Variants in C4orf36 observed in about 807,000 individuals in gnomAD.
The protein encoded by C4orf36 is chromosome 4 open reading frame 36, also known as uncharacterized protein C4orf36.
In C4orf36, 11 loss-of-function variants were observed where a neutral mutation model predicts 12.2. The ratio of observed to expected loss-of-function variants is 0.90; its 90% CI spans 0.57 to 1.49. The LOEUF is 1.49. Among genes scored for constraint, C4orf36 ranks in the 40% most tolerant of loss-of-function variants. C4orf36 has a pLI of 0.00. For missense variants in C4orf36, 137 were observed against 133.9 expected (o/e 1.02, Z -0.11); for synonymous variants, 54 against 51.3 (o/e 1.05, Z -0.22).
At chr4:86,906,744 AAAAAAAAAG>A in the C4orf36 span, among the ~76,000 whole-genome samples, 2 of 148,404 alleles carry the variant, frequency 1.3e-5, no homozygotes, top group African/African-American at 5.0e-5. Flanking sequence ...AAAAAAAAAA[AAAAAAAAAG>A]AATTGGCTGG....
chr4:86,927,388 C>G, the C4orf36 span, among the ~76,000 whole-genome samples: 66 of 152,052 alleles, frequency 4.3e-4, no homozygotes, highest in Admixed American at 2.4e-3. Flanking sequence ...CTAGAGCATT[C>G]TAGCTAAAGG....
intron 4 of C4orf36, among the ~76,000 whole-genome samples, chr4:86,880,050 C>T (rs1747014447): frequency 1.3e-5 from 2 of 152,090 alleles, no homozygotes; most frequent in Admixed American, 1.3e-4. Flanking sequence ...GATGAGGTCT[C>T]ACCGTATTGC....
intron 4 of C4orf36, 51 bp from the exon 5 acceptor site, chr4:86,876,494 G>A: frequency 6.2e-7 from 1 of 1,613,624 alleles, no homozygotes; most frequent in Non-Finnish European, 8.5e-7. Flanking sequence ...ATCCAAATGA[G>A]GTAGAAAAAA....
At chr4:86,913,783 G>A in the C4orf36 span, 5 of 1,292,476 alleles carry the variant, frequency 3.9e-6, no homozygotes, top group Non-Finnish European at 5.6e-6. Flanking sequence ...TGCCCAAAGG[G>A]CATCTTGCTG....
the C4orf36 span, among the ~76,000 whole-genome samples, chr4:86,933,977 A>G: frequency 1.9e-4 from 29 of 152,264 alleles, no homozygotes; most frequent in Admixed American, 1.9e-3. Flanking sequence ...GCAAATATCC[A>G]TCAATTAGGT....
At chr4:86,917,198 T>A in the C4orf36 span, among the ~76,000 whole-genome samples, 1 of 152,092 alleles carries the variant, frequency 6.6e-6, no homozygotes, top group South Asian at 2.1e-4. Context: ...ATGAATCCCT[T>A]GAGCCCAGGA....
chr4:86,925,459 T>C, the C4orf36 span: 1 of 152,128 alleles, frequency 6.6e-6, no homozygotes, highest in East Asian at 1.9e-4. Flanking sequence ...TCAAGTGATC[T>C]GCCCGCCTTA....
intron 2 of C4orf36, 71 bp from the exon 3 acceptor site, chr4:86,888,346 A>G: frequency 1.4e-6 from 2 of 1,442,322 alleles, no homozygotes; most frequent in Admixed American, 4.0e-5. Context: ...TGTAGAAGAC[A>G]TTAATTCTCA....
upstream of C4orf36, among the ~76,000 whole-genome samples, chr4:86,892,637 G>A (rs1323104306): frequency 2.0e-5 from 3 of 152,216 alleles, no homozygotes; most frequent in Non-Finnish European, 4.4e-5. Flanking sequence ...CAATGTAGGG[G>A]GCTGCATCCA....
the C4orf36 span, among the ~76,000 whole-genome samples, chr4:86,921,852 C>G: frequency 1.3e-5 from 2 of 152,174 alleles, no homozygotes; most frequent in Admixed American, 1.3e-4. Flanking sequence ...TTCCTGCCCT[C>G]CAGGCCCTGA....
chr4:86,903,222 A>G, the C4orf36 span, among the ~76,000 whole-genome samples: 2,125 of 152,356 alleles, frequency 0.014, 53 homozygotes, highest in African/African-American at 0.048. Context: ...AAATGTTGTA[A>G]GTGGCCAGGC....
chr4:86,904,480 G>A, the C4orf36 span, among the ~76,000 whole-genome samples: 1 of 151,986 alleles, frequency 6.6e-6, no homozygotes, highest in Non-Finnish European at 1.5e-5. Context: ...AACTCAGGAG[G>A]CTGAGGCAGG....
intron 4 of C4orf36, 74 bp from the exon 5 acceptor site, chr4:86,876,517 A>C: frequency 6.2e-7 from 1 of 1,613,882 alleles, no homozygotes; most frequent in East Asian, 2.2e-5. Context: ...AAAAGATTAG[A>C]AATGTCGGAT....
chr4:86,902,418 C>CAAAAAAAAA, the C4orf36 span, among the ~76,000 whole-genome samples: 7 of 58,950 alleles, frequency 1.2e-4, no homozygotes, highest in South Asian at 8.6e-4. Flanking sequence ...ATGAGACTCT[C>CAAAAAAAAA]AAAAAAAAAA....
At chr4:86,906,113 T>C in the C4orf36 span, among the ~76,000 whole-genome samples, 34 of 152,196 alleles carry the variant, frequency 2.2e-4, no homozygotes, top group African/African-American at 6.0e-4. Flanking sequence ...CCTGACTACC[T>C]CAGAGGGCAT....
chr4:86,927,747 C>G, the C4orf36 span, among the ~76,000 whole-genome samples: 2 of 151,312 alleles, frequency 1.3e-5, no homozygotes, highest in Non-Finnish European at 2.9e-5. Context: ...TGCAGTGTGC[C>G]GAGATCACGC....
the C4orf36 span, among the ~76,000 whole-genome samples, chr4:86,928,831 T>C: frequency 6.6e-6 from 1 of 152,216 alleles, no homozygotes; most frequent in African/African-American, 2.4e-5. Context: ...CGAAGTTTCA[T>C]GTCCCCGTTT....
the C4orf36 span, among the ~76,000 whole-genome samples, chr4:86,915,817 G>A: frequency 3.9e-5 from 6 of 152,074 alleles, no homozygotes; most frequent in Non-Finnish European, 5.9e-5. Context: ...AAAAGAAGAG[G>A]GAAATTTGGA....
In C4orf36 at chr4:86,891,507, A is replaced by C; in HGVS notation, c.14T>G (p.Val5Gly). Residue 5 changes from valine (V) to glycine (G), a missense_variant, in exon 2 of 5, where the codon GTG becomes GGG. Val to Gly is a moderately radical substitution (Grantham distance 109, BLOSUM62 -3). Transcript: ENST00000295898. The stretch of plus-strand genomic sequence containing the variant: ...GGTTTTCACTGTGTTCTTTCTTGGC[A>C]CTCCATACGCCATGGTGAGTTATTA... MAYG[V>G]PRKNTVKTIL... 1 of 1,613,724 alleles carries C rather than the reference A, an allele frequency of 6.2e-7. No homozygotes were observed. The highest frequency in any genetic ancestry group is 8.5e-7 in the Non-Finnish European group (1 of 1,179,924).
Sources: gnomAD v4.1 joint callset for allele counts (sites outside exome capture counted in the v4.1 genomes callset) on GRCh38, gnomAD v4.1.1 for gene constraint, MANE v1.5 for transcripts, NCBI Gene and HGNC (gene_info 2026-07-23, HGNC 2026-07-21) for gene names.